The following DLG2 variants were observed in gnomAD, a reference collection of about 807,000 sequenced individuals.
DLG2 encodes disks large homolog 2.
DLG2 carries 45 observed loss-of-function variants against 132.5 expected under a neutral mutation model. The ratio of observed to expected loss-of-function variants is 0.34; its 90% CI spans 0.27 to 0.44. The LOEUF (loss-of-function observed/expected upper bound fraction) is 0.44. DLG2 is among the 20% of genes least tolerant of loss of function. The probability of loss-of-function intolerance (pLI) is 1.00; values close to 1 mark genes in which losing one functional copy is unlikely to be tolerated. For missense variants in DLG2, 1,045 were observed against 1,196.9 expected (o/e 0.87, Z 1.87); for synonymous variants, 424 against 419.6 (o/e 1.01, Z -0.13).
chr11:84,528,337 C>A (rs2099327600), intron 7 of DLG2, among the ~76,000 whole-genome samples: 1 of 152,196 alleles, frequency 6.6e-6, no homozygotes, highest in African/African-American at 2.4e-5. Flanking sequence ...TTCACACTGG[C>A]CAAAGCACTC....
chr11:84,016,126 A>G (rs1379155667), intron 11 of DLG2, among the ~76,000 whole-genome samples: 1 of 151,960 alleles, frequency 6.6e-6, no homozygotes, highest in African/African-American at 2.4e-5. Context: ...CGTTTCTCTA[A>G]TGATCAGGGA....
At chr11:83,960,702 G>A (rs546358824) in intron 14 of DLG2, among the ~76,000 whole-genome samples, 4 of 151,454 alleles carry the variant, frequency 2.6e-5, no homozygotes, top group African/African-American at 7.3e-5. Context: ...TGCATCTCTA[G>A]TGCAGCACCA....
Position 83,455,452 on chromosome 11 carries a change from A to T in DLG2, c.*4366T>A, listed in dbSNP as rs1406997390. Reference sequence around the variant, plus strand: ...GAAACACAAACTCAAAAAGGAGAGAAGAAAAGTCTGCCATCCCATTGGGAG... The same window carrying T: ...GAAACACAAACTCAAAAAGGAGAGATGAAAAGTCTGCCATCCCATTGGGAG... On this transcript the variant is annotated 3_prime_UTR_variant, in exon 28 of 28. Transcript: ENST00000376104. The T allele has an allele frequency of 1.3e-5, 2 of 152,648 alleles. No homozygotes were observed. The highest frequency in any genetic ancestry group is 2.9e-5 in the Non-Finnish European group (2 of 68,088). 9.5% of individuals were successfully genotyped at this position (152,648 alleles called of 1,614,324 possible).
At chr11:84,961,409 T>C (rs2052547526) in intron 6 of DLG2, among the ~76,000 whole-genome samples, 1 of 152,050 alleles carries the variant, frequency 6.6e-6, no homozygotes, top group Non-Finnish European at 1.5e-5. Flanking sequence ...AGTCTCAGCA[T>C]GCAACCATGA....
At chr11:85,526,871 CACA>C (rs1465308912) in intron 3 of DLG2, among the ~76,000 whole-genome samples, 1 of 152,110 alleles carries the variant, frequency 6.6e-6, no homozygotes, top group Non-Finnish European at 1.5e-5. Context: ...AAGGTCAAAA[CACA>C]ACATGTGAAT....
intron 6 of DLG2, among the ~76,000 whole-genome samples, chr11:84,792,011 A>G (rs1234095680): frequency 1.3e-5 from 2 of 152,178 alleles, no homozygotes; most frequent in Non-Finnish European, 2.9e-5. Context: ...ATCATGTTGC[A>G]GATCTTAGAG....
chr11:84,265,305 T>C (rs2097604723), intron 7 of DLG2, among the ~76,000 whole-genome samples: 1 of 152,162 alleles, frequency 6.6e-6, no homozygotes, highest in African/African-American at 2.4e-5. Flanking sequence ...AGGCACTGTG[T>C]TAAGAGTTCA....
chr11:84,730,052 C>T (rs547302793), intron 6 of DLG2, among the ~76,000 whole-genome samples: 5 of 152,026 alleles, frequency 3.3e-5, no homozygotes, highest in Admixed American at 1.3e-4. Context: ...AAAGCAACTC[C>T]GAAACACTAC....
At chr11:85,162,133 A>T (rs1468651276) in intron 4 of DLG2, among the ~76,000 whole-genome samples, 1 of 152,154 alleles carries the variant, frequency 6.6e-6, no homozygotes, top group Non-Finnish European at 1.5e-5. Flanking sequence ...CTAAGAAGGG[A>T]GTTATAGTGT....
chr11:84,508,529 A>G (rs1194399018), intron 7 of DLG2, among the ~76,000 whole-genome samples: 5 of 151,440 alleles, frequency 3.3e-5, no homozygotes, highest in African/African-American at 9.7e-5. Flanking sequence ...CAGCCTCCCA[A>G]GTAGCTGGGA....
chr11:84,059,272 T>C (rs371084702), intron 11 of DLG2, 43 bp downstream of exon 11: 4 of 1,590,400 alleles, frequency 2.5e-6, no homozygotes, highest in Non-Finnish European at 3.4e-6. Context: ...TTCAGTCAGA[T>C]GGTTTGTCAC....
At chr11:84,924,673 G>T (rs911922627) in intron 6 of DLG2, among the ~76,000 whole-genome samples, 1 of 152,166 alleles carries the variant, frequency 6.6e-6, no homozygotes, top group Non-Finnish European at 1.5e-5. Flanking sequence ...GCTATTTTGG[G>T]CTGTCATTGT....
At chr11:84,199,615 G>C (rs1013455220) in intron 8 of DLG2, among the ~76,000 whole-genome samples, 3 of 151,760 alleles carry the variant, frequency 2.0e-5, no homozygotes, top group African/African-American at 7.3e-5. Context: ...ATTTTAAAAA[G>C]AACAAAATCA....
At chr11:83,793,791 T>C (rs961455571) in intron 17 of DLG2, among the ~76,000 whole-genome samples, 4 of 152,220 alleles carry the variant, frequency 2.6e-5, no homozygotes, top group Non-Finnish European at 5.9e-5. Flanking sequence ...ATTATTATTG[T>C]TTTAGCATTT....
At chr11:84,223,414 T>G (rs903391559) in intron 8 of DLG2, among the ~76,000 whole-genome samples, 4 of 152,170 alleles carry the variant, frequency 2.6e-5, no homozygotes, top group Admixed American at 2.0e-4. Context: ...GATCCACTTT[T>G]ATTACCCTAC....
Position 84,471,031 on chromosome 11 carries a change from G to A in DLG2, c.519+63539C>T, listed in dbSNP as rs112900796. Among the ~76,000 whole-genome samples the A allele has an allele frequency of 1.3e-3, 201 of 151,718 alleles. 1 individual carries two copies. The highest frequency in any genetic ancestry group is 4.7e-3 in the African/African-American group (194 of 41,462). ...ACACTGTGTTTCCCTTTTTGCTTGAGCTAAAATCCCCAATAAACTGCCTTT... is the reference window on the plus strand; with the variant it reads ...ACACTGTGTTTCCCTTTTTGCTTGAACTAAAATCCCCAATAAACTGCCTTT... On this transcript the variant is annotated intron_variant, in intron 7 of 27. Transcript: ENST00000376104.
chr11:83,999,287 T>A (rs1223770927), intron 11 of DLG2, among the ~76,000 whole-genome samples: 1 of 152,150 alleles, frequency 6.6e-6, no homozygotes, highest in Non-Finnish European at 1.5e-5. Flanking sequence ...CCCATGTGCT[T>A]GAGATTGGGT....
chr11:85,584,112 C>T lies in DLG2; in HGVS notation c.40+14545G>A, dbSNP rs114444466. Among the ~76,000 whole-genome samples, 804 of 152,206 alleles carry T rather than the reference C, an allele frequency of 5.3e-3. 8 individuals are homozygous for T. The highest frequency in any genetic ancestry group is 0.018 in the African/African-American group (747 of 41,534). Reference sequence around the variant, plus strand: ...GATTTTGGTGTACCCATTACCTAAGCAGTGTACTTGGGTACACTGTACCCA... The same window carrying T: ...GATTTTGGTGTACCCATTACCTAAGTAGTGTACTTGGGTACACTGTACCCA... On this transcript the variant is annotated intron_variant, in intron 3 of 27. Coordinates refer to ENST00000376104, the MANE Select transcript of DLG2 (RefSeq NM_001142699.3).
At chr11:84,678,633 C>T (rs767040658) in intron 6 of DLG2, among the ~76,000 whole-genome samples, 1 of 152,086 alleles carries the variant, frequency 6.6e-6, no homozygotes, top group Non-Finnish European at 1.5e-5. Flanking sequence ...ATGCCTGGCA[C>T]ATAATGATCA....
Sources: allele counts gnomAD v4.1 joint callset (sites outside exome capture counted in the v4.1 genomes callset), GRCh38; gene constraint gnomAD v4.1.1; transcripts MANE v1.5; gene names NCBI Gene and HGNC (gene_info 2026-07-23, HGNC 2026-07-21).